The following RPS6KA2 variants were observed in gnomAD, a reference collection of about 807,000 sequenced individuals.
RPS6KA2 encodes ribosomal protein S6 kinase A2, also known as ribosomal protein S6 kinase alpha-2.
RPS6KA2 carries 42 observed loss-of-function variants against 91.8 expected under a neutral mutation model. The ratio of observed to expected loss-of-function variants is 0.46; its 90% CI spans 0.36 to 0.59. RPS6KA2 has a LOEUF of 0.59. Among genes scored for constraint, RPS6KA2 ranks in the 20% least tolerant of loss-of-function variants. The probability of loss-of-function intolerance (pLI) is 0.00; values close to 1 mark genes in which losing one functional copy is unlikely to be tolerated. For synonymous variants in RPS6KA2, 414 were observed against 393.6 expected (o/e 1.05, Z -0.61); for missense variants, 798 against 978.5 (o/e 0.82, Z 2.46).
intron 9 of RPS6KA2, among the ~76,000 whole-genome samples, chr6:166,489,487 C>T (rs61060745): frequency 0.15 from 23,004 of 152,134 alleles, 2,003 homozygotes; most frequent in African/African-American, 0.24. Context: ...GAGAACCCCA[C>T]GCGCAGAGCC....
At chr6:166,819,331 A>G (rs556647522) in intron 2 of RPS6KA2, among the ~76,000 whole-genome samples, 115 of 152,298 alleles carry the variant, frequency 7.6e-4, no homozygotes, top group African/African-American at 2.6e-3. Context: ...AGCATTACAC[A>G]TAAATATATC....
intron 1 of RPS6KA2, among the ~76,000 whole-genome samples, chr6:166,545,068 G>A (rs3778408): frequency 0.018 from 2,732 of 152,262 alleles, 72 homozygotes; most frequent in African/African-American, 0.059. Flanking sequence ...AAAATACCGG[G>A]TGCCATGTCA....
Position 166,419,984 on chromosome 6 carries a change from C to T in RPS6KA2, c.1744-26G>A. 1 of 1,600,070 alleles carries T rather than the reference C, an allele frequency of 6.2e-7. No homozygotes were observed. The highest frequency in any genetic ancestry group is 2.2e-5 in the East Asian group (1 of 44,738). On this transcript the variant is annotated intron_variant, in intron 17 of 20. Coordinates refer to ENST00000265678, the MANE Select transcript of RPS6KA2 (RefSeq NM_021135.6). This position sits in a 1 kb window ranked among gnomAD's most constrained non-coding sequence, Gnocchi z 5.6. ...CTAGGAGGGAACGACAGGACACCGG[C>T]ACGCCCTTCACTAAGGACATTCAGA...
Position 166,430,388 on chromosome 6 carries a change from T to C in RPS6KA2, c.1581+65A>G, listed in dbSNP as rs556858472. The C allele has an allele frequency of 2.4e-5, 35 of 1,435,174 alleles. No homozygotes were observed. The African/African-American group carries it at 3.4e-4, about 14-fold the overall frequency. 88.9% of individuals were successfully genotyped at this position (1,435,174 alleles called of 1,614,324 possible). On this transcript the variant is annotated intron_variant, in intron 16 of 20. Transcript: ENST00000265678. ...CTCAGCTCTTGAACCCATAAACCCT[T>C]GTGGTTTTGGTTCCTGCCCTGAAGC... is the stretch of plus-strand genomic sequence containing the variant.
intron 2 of RPS6KA2, among the ~76,000 whole-genome samples, chr6:166,780,564 T>C (rs1195158557): frequency 6.6e-6 from 1 of 152,008 alleles, no homozygotes; most frequent in Admixed American, 6.5e-5. Flanking sequence ...CAAATGCGTA[T>C]ACCACAGAAG....
Position 166,644,394 on chromosome 6 carries a change from C to T in RPS6KA2, c.124-105610G>A, listed in dbSNP as rs371501538. Reference sequence around the variant, plus strand: ...CATTTACTGTGCCTGCTCCCCCAGTCCATGACGTCACTTCTTCCAGTTATT... The same window carrying T: ...CATTTACTGTGCCTGCTCCCCCAGTTCATGACGTCACTTCTTCCAGTTATT... On this transcript the variant is annotated intron_variant, in intron 2 of 21. Transcript: ENST00000503859. 9.2e-5 allele frequency among the ~76,000 whole-genome samples: 14 copies of T among 152,280 alleles called. No individual in the cohort carries two copies. The East Asian group carries it at 2.7e-3, about 29-fold the overall frequency.
chr6:166,556,804 G>C (rs1784191040), intron 1 of RPS6KA2, among the ~76,000 whole-genome samples: 1 of 152,200 alleles, frequency 6.6e-6, no homozygotes, highest in Admixed American at 6.5e-5. Context: ...CTTCCAGTAA[G>C]CTCCACCAGA....
Position 166,563,209 on chromosome 6 carries a change from C to T in RPS6KA2, c.100-24425G>A, listed in dbSNP as rs576782905. Among the ~76,000 whole-genome samples, 6 of 152,190 alleles carry T rather than the reference C, an allele frequency of 3.9e-5. No homozygotes were observed. The East Asian group carries it at 7.7e-4, about 20-fold the overall frequency. Reference sequence around the variant, plus strand: ...GGCTTTTCCGGGGTAGTGGAGACACCGCCACGTCTGTGTCTCTGGAGAAGG... The same window carrying T: ...GGCTTTTCCGGGGTAGTGGAGACACTGCCACGTCTGTGTCTCTGGAGAAGG... On this transcript the variant is annotated intron_variant, in intron 1 of 20. Transcript: ENST00000265678. The surrounding 1 kb of genome is among the most constrained non-coding windows in gnomAD (Gnocchi z 4.1).
chr6:166,822,440 C>A (rs1390181465), intron 2 of RPS6KA2, among the ~76,000 whole-genome samples: 1 of 152,214 alleles, frequency 6.6e-6, no homozygotes, highest in Non-Finnish European at 1.5e-5. Flanking sequence ...CCCCGGCAAG[C>A]CAAAGAGAGG....
At chr6:166,509,303 A>C (rs1275271451) in intron 4 of RPS6KA2, 1 of 169,914 alleles carries the variant, frequency 5.9e-6, no homozygotes, top group Non-Finnish European at 1.5e-5. Context: ...CAATTTCTTC[A>C]GAAAAGCACC....
chr6:166,456,281 A>G (rs1780103058), intron 12 of RPS6KA2, among the ~76,000 whole-genome samples: 1 of 152,242 alleles, frequency 6.6e-6, no homozygotes, highest in African/African-American at 2.4e-5. Context: ...CGGTGTGGCT[A>G]GCTAGTAAGG....
chr6:166,412,968 C>G lies in RPS6KA2; in HGVS notation c.2077-81G>C. 7.2e-7 allele frequency: 1 copy of G among 1,389,956 alleles called. No individual in the cohort carries two copies. The highest frequency in any genetic ancestry group is 2.7e-5 in the East Asian group (1 of 37,688). 86.1% of individuals were successfully genotyped at this position (1,389,956 alleles called of 1,614,324 possible). A position where few individuals can be genotyped will look rare whatever the true frequency, so the allele number is the denominator to read the frequency against. On this transcript the variant is annotated intron_variant, in intron 20 of 20. Coordinates refer to ENST00000265678, the MANE Select transcript of RPS6KA2 (RefSeq NM_021135.6). This position sits in a 1 kb window ranked among gnomAD's most constrained non-coding sequence, Gnocchi z 4.3. ...CGGAGCCCGGGGCCTCCATGGGCCT[C>G]AGCTGCCCCCAGGCAACGTGGGAGA...
chr6:166,815,700 A>G (rs911098929), intron 2 of RPS6KA2, among the ~76,000 whole-genome samples: 1 of 152,218 alleles, frequency 6.6e-6, no homozygotes, highest in African/African-American at 2.4e-5. Flanking sequence ...GATATATGTC[A>G]GTGGCAATGG....
chr6:166,409,681 T>C lies in RPS6KA2; in HGVS notation c.*3081A>G, dbSNP rs1233020227. On this transcript the variant is annotated 3_prime_UTR_variant, in exon 21 of 21. Transcript: ENST00000265678. ...ACCGCTCAGGGACCGGCAGCGTCCT[T>C]CTCCATTCTCGAATTTGCATGACGC... is the stretch of plus-strand genomic sequence containing the variant. The C allele has an allele frequency of 6.6e-6, 1 of 152,504 alleles. No individual in the cohort carries two copies. Among genetic ancestry groups the C allele is most frequent in the African/African-American group, 2.4e-5 (1 of 41,438 alleles). The allele number at this position is 152,504 out of a possible 1,614,324, so 9.4% of individuals were successfully genotyped here.
At chr6:166,511,042 C>G (rs1030803327) in intron 3 of RPS6KA2, among the ~76,000 whole-genome samples, 2 of 152,094 alleles carry the variant, frequency 1.3e-5, no homozygotes. Flanking sequence ...AAGATTGGGG[C>G]TAAATGATTT....
intron 19 of RPS6KA2, among the ~76,000 whole-genome samples, chr6:166,416,115 A>G (rs58346997): frequency 0.03 from 17 of 558 alleles, no homozygotes; most frequent in East Asian, 0.062. Context: ...ATCCACCCTC[A>G]CCATCCTTCA....
intron 2 of RPS6KA2, among the ~76,000 whole-genome samples, chr6:166,537,498 A>C (rs1186059276): frequency 6.6e-6 from 1 of 152,248 alleles, no homozygotes; most frequent in Non-Finnish European, 1.5e-5. Flanking sequence ...GGCCCAAAAT[A>C]TTGCTGGTAA....
At chr6:166,857,758 C>T (rs1047636019) in intron 2 of RPS6KA2, among the ~76,000 whole-genome samples, 4 of 152,198 alleles carry the variant, frequency 2.6e-5, no homozygotes, top group African/African-American at 4.8e-5. Context: ...CAACTCCCCA[C>T]GGATGGAATC....
intron 2 of RPS6KA2, among the ~76,000 whole-genome samples, chr6:166,780,470 G>C (rs529203911): frequency 5.9e-4 from 90 of 152,294 alleles, no homozygotes; most frequent in Middle Eastern, 3.4e-3. Context: ...CCTGGACCTG[G>C]GGCTTCTGGC....
Sources: gnomAD v4.1 joint callset for allele counts (sites outside exome capture counted in the v4.1 genomes callset) on GRCh38, gnomAD v4.1.1 for gene constraint, Gnocchi (gnomAD v3.1) non-coding constraint, MANE v1.5 for transcripts, NCBI Gene and HGNC (gene_info 2026-07-23, HGNC 2026-07-21) for gene names.